HK3: variants seen among roughly 807,000 people sequenced by gnomAD.
HK3 encodes the protein hexokinase-3.
In HK3, 93 loss-of-function variants were observed where a neutral mutation model predicts 91.0. The ratio of observed to expected loss-of-function variants is 1.02; its 90% CI spans 0.86 to 1.21. The LOEUF (loss-of-function observed/expected upper bound fraction) is 1.21, where lower values mean the gene tolerates loss of function less well. Among genes scored for constraint, HK3 ranks in the 50% most tolerant of loss-of-function variants. The probability of loss-of-function intolerance (pLI) is 0.00; values close to 1 mark genes in which losing one functional copy is unlikely to be tolerated. For synonymous variants in HK3, 519 were observed against 516.9 expected (o/e 1.00, Z -0.06); for missense variants, 1,235 against 1,247.4 (o/e 0.99, Z 0.15).
At position 176,884,062 on chromosome 5, in the gene HK3, G is replaced by C; in HGVS notation, c.1930C>G (p.Arg644Gly). The change falls in exon 14 of 19, where the codon CGG becomes GGG. Residue 644 changes from arginine to glycine, a missense_variant. Arg to Gly is a moderately radical substitution (Grantham distance 125). Coordinates refer to ENST00000292432, the MANE Select transcript of HK3 (RefSeq NM_002115.3). This position sits in a 1 kb window ranked among gnomAD's most constrained non-coding sequence, Gnocchi z 4.1. ...ACCTGTCTGCGAGTGATGGCTTCCC[G>C]CAACAGACTCACGACATCTTGGCCC... ...CEGQDVVSLLREAITRRQAVE... is the reference protein window; with the variant it reads ...CEGQDVVSLLGEAITRRQAVE... 1 of 1,614,096 alleles carries C rather than the reference G, an allele frequency of 6.2e-7. No individual in the cohort carries two copies. The highest frequency in any genetic ancestry group is 2.2e-5 in the East Asian group (1 of 44,882).
At chr5:176,888,289 G>T (rs756114925) in intron 10 of HK3, 43 bp downstream of exon 10, 1 of 1,486,176 alleles carries the variant, frequency 6.7e-7, no homozygotes, top group South Asian at 1.2e-5. Context: ...TCACACACAC[G>T]TGTTCATGCC....
intron 2 of HK3, among the ~76,000 whole-genome samples, chr5:176,895,336 C>T (rs1440132302): frequency 6.6e-6 from 1 of 152,178 alleles, no homozygotes. Context: ...CTCGGCCTCC[C>T]AAAGTGCTGG....
rs1327389989 is a variant in HK3, at chr5:176,890,748, G to A, written c.535-18C>T. 1 of 1,614,098 alleles carries A rather than the reference G, an allele frequency of 6.2e-7. No individual in the cohort carries two copies. Among genetic ancestry groups the A allele is most frequent in the East Asian group, 2.2e-5 (1 of 44,888 alleles). ...AGGGTGCTCTGGAGGTAGAGAAGCT[G>A]GGTTACTCCTCTGACGGCCTTCATG... On this transcript the variant is annotated intron_variant, in intron 5 of 18. Coordinates refer to ENST00000292432, the MANE Select transcript of HK3 (RefSeq NM_002115.3).
At chr5:176,897,478 C>T (rs1311826899) in intron 1 of HK3, among the ~76,000 whole-genome samples, 1 of 152,034 alleles carries the variant, frequency 6.6e-6, no homozygotes, top group African/African-American at 2.4e-5. Context: ...AGTACCTTCC[C>T]ACCCCTACAC....
At position 176,887,532 on chromosome 5, in the gene HK3, C is replaced by A; in HGVS notation, c.1519G>T (p.Ala507Ser). ...LAAVQAQMRK[A>S]MAKGLRGEAS... ...TCCCCTCGGAGCCCCTTGGCCATGG[C>A]CTTCCGCATCTGTGCCTGAACCGCA... is the stretch of plus-strand genomic sequence containing the variant. The change falls in exon 11 of 19, where the codon GCC becomes TCC. Residue 507 changes from alanine to serine, a missense_variant. Coordinates refer to ENST00000292432, the MANE Select transcript of HK3 (RefSeq NM_002115.3). This position sits in a 1 kb window ranked among gnomAD's most constrained non-coding sequence, Gnocchi z 4.9. 1 of 1,613,856 alleles carries A rather than the reference C, an allele frequency of 6.2e-7. No homozygotes were observed. Among genetic ancestry groups the A allele is most frequent in the Non-Finnish European group, 8.5e-7 (1 of 1,180,014 alleles).
At chr5:176,881,573 T>A in intron 17 of HK3, 38 bp from the exon 18 acceptor site, 1 of 1,584,746 alleles carries the variant, frequency 6.3e-7, no homozygotes, top group Non-Finnish European at 8.6e-7. Flanking sequence ...GGGAGGTGGG[T>A]CGTGACTTCT....
rs759958924 is a variant in HK3 at position 176,881,055 on chromosome 5, C to G, written c.*18G>C. The G allele has an allele frequency of 1.3e-6, 2 of 1,581,532 alleles. No individual in the cohort carries two copies. Among genetic ancestry groups the G allele is most frequent in the East Asian group, 4.5e-5 (2 of 44,406 alleles). ...CCAGCAAGGCTGCGGCGGAGACCTCCTCAGCCTGGAGGTTTCCTCAGACAC... is the reference window on the plus strand; with the variant it reads ...CCAGCAAGGCTGCGGCGGAGACCTCGTCAGCCTGGAGGTTTCCTCAGACAC... On this transcript the variant is annotated 3_prime_UTR_variant, in exon 19 of 19. Coordinates refer to ENST00000292432, the MANE Select transcript of HK3 (RefSeq NM_002115.3).
In HK3 at chr5:176,886,989, G is replaced by A; in HGVS notation, c.1857+13C>T. 1 of 1,613,678 alleles carries A rather than the reference G, an allele frequency of 6.2e-7. No individual in the cohort carries two copies. Among genetic ancestry groups the A allele is most frequent in the East Asian group, 2.2e-5 (1 of 44,856 alleles). On this transcript the variant is annotated intron_variant, in intron 13 of 18. Coordinates refer to ENST00000292432, the MANE Select transcript of HK3 (RefSeq NM_002115.3). ...GAGGCCCTTGGGAATCACTTCTCTT[G>A]GCCCTCCCTCACCTGGTCTAGGCCA...
chr5:176,887,292 CGGAAGT>C lies in HK3; in HGVS notation c.1640_1645del (p.Asn547_Arg549delinsSer), dbSNP rs1758618796. On this transcript the variant is annotated inframe_deletion, in exon 12 of 19. Coordinates refer to ENST00000292432, the MANE Select transcript of HK3 (RefSeq NM_002115.3). This position sits in a 1 kb window ranked among gnomAD's most constrained non-coding sequence, Gnocchi z 4.9. ...TGTGGTCACACGTACCAGGAGGACA[CGGAAGT>C]TCGTGCCCCCGAGGTCCAGGGCCAG... is the stretch of plus-strand genomic sequence containing the variant. 6.2e-7 allele frequency: 1 copy of C among 1,613,928 alleles called. No individual in the cohort carries two copies. The highest frequency in any genetic ancestry group is 1.3e-5 in the African/African-American group (1 of 74,906).
intron 10 of HK3, 24 bp downstream of exon 10, chr5:176,888,308 A>T: frequency 6.5e-7 from 1 of 1,532,834 alleles, no homozygotes; most frequent in Non-Finnish European, 8.8e-7. Context: ...CCAACTAATC[A>T]TGCGGATCAC....
In HK3 at chr5:176,888,749, G is replaced by T; in HGVS notation, c.1030C>A (p.Gln344Lys). 6.2e-7 allele frequency: 1 copy of T among 1,614,222 alleles called. No homozygotes were observed. Among genetic ancestry groups the T allele is most frequent in the South Asian group, 1.1e-5 (1 of 91,086 alleles). ...GGCTSPALLSQGSILLEHVAE... is the reference protein window; with the variant it reads ...GGCTSPALLSKGSILLEHVAE... ...ACGTGTTCCAGGAGGATGCTGCCTT[G>T]GCTCAGCAGGGCAGGGGAGGTGCAG... Residue 344 changes from glutamine to lysine, a missense_variant, in exon 9 of 19, where the codon CAA becomes AAA. This residue lies in a region of HK3 where 717 missense variants were observed against 751.6 expected (regional missense o/e 0.95). Transcript: ENST00000292432.
rs755778385 is a variant in HK3, at chr5:176,888,914, C to T, written c.915-50G>A. 1.2e-5 allele frequency: 19 copies of T among 1,585,760 alleles called. No individual in the cohort carries two copies. In the East Asian group the frequency reaches 4.0e-4, roughly 34 times the overall value. ...GGAAGCCTTTTCTAAGCCCTCAGTC[C>T]ACCTGGCCCTACCTCCAAGAGTTCC... On this transcript the variant is annotated intron_variant, in intron 8 of 18. Coordinates refer to ENST00000292432, the MANE Select transcript of HK3 (RefSeq NM_002115.3).
rs755073360 is a variant in HK3 at position 176,891,464 on chromosome 5, C to T, written c.183G>A (p.Ala61=). 161 of 1,614,042 alleles carry T rather than the reference C, an allele frequency of 1.0e-4. No individual in the cohort carries two copies. Among genetic ancestry groups the T allele is most frequent in the Non-Finnish European group, 1.3e-4 (158 of 1,180,018 alleles). ...GGGCAGGGCTGGCCTGTCCCCTCAG[C>T]GCCTGCTCCATGGAACCCAAGAGGC... ...QASLLGSMEQ[A]LRGQASPAPA... is the part of the protein sequence containing the mutation. The change falls in exon 3 of 19, where the codon GCG becomes GCA. Residue 61 remains alanine (A), a synonymous_variant. Transcript: ENST00000292432.
intron 1 of HK3, 80 bp from the exon 2 acceptor site, chr5:176,896,265 C>A: frequency 1.5e-6 from 1 of 647,282 alleles, no homozygotes; most frequent in Admixed American, 3.5e-5. Flanking sequence ...CAACTTCCTT[C>A]CTTCTGAAGG....
At chr5:176,881,644 G>A (rs890536594) in intron 17 of HK3, 48 bp downstream of exon 17, 17 of 1,609,100 alleles carry the variant, frequency 1.1e-5, no homozygotes, top group Admixed American at 1.7e-5. Flanking sequence ...CCCCACAGTG[G>A]ACAGAAAGAC....
Position 176,887,546 on chromosome 5 carries a change from G to T in HK3, c.1505C>A (p.Ala502Glu), listed in dbSNP as rs1758631157. 1.2e-6 allele frequency: 2 copies of T among 1,613,720 alleles called. No individual in the cohort carries two copies. The highest frequency in any genetic ancestry group is 1.3e-5 in the African/African-American group (1 of 74,922). The change falls in exon 11 of 19, where the codon GCA (alanine) becomes GAA (glutamate). Residue 502 changes from alanine (A) to glutamate (E), a missense_variant. By Grantham distance (107) the Ala-to-Glu change is moderately radical. Around this residue, in one of 3 missense-constraint regions of HK3, gnomAD observed 717 missense variants for 751.6 expected, o/e 0.95. Coordinates refer to ENST00000292432, the MANE Select transcript of HK3 (RefSeq NM_002115.3). The surrounding 1 kb of genome is among the most constrained non-coding windows in gnomAD (Gnocchi z 4.9). ...LNHDQLAAVQ[A>E]QMRKAMAKGL... Reference sequence around the variant, plus strand: ...CTTGGCCATGGCCTTCCGCATCTGTGCCTGAACCGCAGCCAGTTGATCATG... The same window carrying T: ...CTTGGCCATGGCCTTCCGCATCTGTTCCTGAACCGCAGCCAGTTGATCATG...
Position 176,884,037 on chromosome 5 carries a change from A to G in HK3, c.1953+2T>C, listed in dbSNP as rs753724101. 38 of 1,613,308 alleles carry G rather than the reference A, an allele frequency of 2.4e-5. No homozygotes were observed. The highest frequency in any genetic ancestry group is 3.2e-5 in the Non-Finnish European group (38 of 1,179,432). ...CAAAGCACCCCTAGAACAGGCTCCTACCTGTCTGCGAGTGATGGCTTCCCG... is the reference window on the plus strand; with the variant it reads ...CAAAGCACCCCTAGAACAGGCTCCTGCCTGTCTGCGAGTGATGGCTTCCCG... On this transcript the variant is annotated splice_donor_variant, in intron 14 of 18. Transcript: ENST00000292432. LOFTEE classifies it high-confidence loss of function. The surrounding 1 kb of genome is among the most constrained non-coding windows in gnomAD (Gnocchi z 4.1).
At position 176,887,419 on chromosome 5, in the gene HK3, G is replaced by A; in HGVS notation, c.1600+32C>T. On this transcript the variant is annotated intron_variant, in intron 11 of 18. Coordinates refer to ENST00000292432, the MANE Select transcript of HK3 (RefSeq NM_002115.3). The surrounding 1 kb of genome is among the most constrained non-coding windows in gnomAD (Gnocchi z 4.9). ...CACACTGGGACCCCCAGGAGCCCATGTTTCGGTCCCACACTCAGGCCAGGT... is the reference window on the plus strand; with the variant it reads ...CACACTGGGACCCCCAGGAGCCCATATTTCGGTCCCACACTCAGGCCAGGT... 2 of 1,612,678 alleles carry A rather than the reference G, an allele frequency of 1.2e-6. No individual in the cohort carries two copies. Among genetic ancestry groups the A allele is most frequent in the Non-Finnish European group, 1.7e-6 (2 of 1,179,266 alleles).
chr5:176,882,398 C>A (rs1758460995), intron 15 of HK3, among the ~76,000 whole-genome samples: 1 of 152,222 alleles, frequency 6.6e-6, no homozygotes, highest in Non-Finnish European at 1.5e-5. Flanking sequence ...CAATGCCCAG[C>A]TGTCCTGTCA....
Sources: gnomAD v4.1 joint callset for allele counts (sites outside exome capture counted in the v4.1 genomes callset) on GRCh38, gnomAD v4.1.1 for gene constraint, gnomAD v4.1.1 regional missense constraint, Gnocchi (gnomAD v3.1) non-coding constraint, MANE v1.5 for transcripts, NCBI Gene and HGNC (gene_info 2026-07-23, HGNC 2026-07-21) for gene names.